CSMD1: variants seen among roughly 807,000 people sequenced by gnomAD.
The protein encoded by CSMD1 is CUB and Sushi multiple domains 1.
Under a neutral mutation model 417.5 loss-of-function variants are expected in CSMD1, and 213 were observed. The observed-to-expected ratio is 0.51, with a 90% confidence interval of 0.46 to 0.57. The LOEUF (loss-of-function observed/expected upper bound fraction) is 0.57, where lower values mean the gene tolerates loss of function less well. Among genes scored for constraint, CSMD1 ranks in the 20% least tolerant of loss-of-function variants. CSMD1 has a pLI of 0.00. For missense variants in CSMD1, 6,923 were observed against 4,529.7 expected (o/e 1.53, Z -15.17); for synonymous variants, 2,862 against 1,736.8 (o/e 1.65, Z -16.11).
At chr8:3,448,416 A>AGGGAGGGAGAGAGGGAGGGAGGGGG (rs1815468105) in intron 12 of CSMD1, among the ~76,000 whole-genome samples, 1 of 128,912 alleles carries the variant, frequency 7.8e-6, no homozygotes, top group Non-Finnish European at 1.7e-5. Flanking sequence ...GGAAGGAAGG[A>AGGGAGGGAGAGAGGGAGGGAGGGGG]AGGGAAGGAA....
intron 49 of CSMD1, among the ~76,000 whole-genome samples, chr8:3,083,887 G>A (rs1333002443): frequency 2.0e-5 from 3 of 151,560 alleles, no homozygotes; most frequent in Admixed American, 6.6e-5. Flanking sequence ...CTGAACTCCT[G>A]TGTTCAAGCA....
chr8:4,600,614 T>C (rs1273772467), intron 2 of CSMD1, among the ~76,000 whole-genome samples: 1 of 152,222 alleles, frequency 6.6e-6, no homozygotes, highest in Non-Finnish European at 1.5e-5. Flanking sequence ...CATCAAACCT[T>C]ATTTGTGAAA....
chr8:3,841,226 G>A (rs1360902682), intron 5 of CSMD1, among the ~76,000 whole-genome samples: 3 of 152,090 alleles, frequency 2.0e-5, no homozygotes, highest in South Asian at 4.2e-4. Flanking sequence ...AACTTGTTTG[G>A]AAAGGTTTAT....
chr8:4,243,626 C>A (rs960148111), intron 3 of CSMD1, among the ~76,000 whole-genome samples: 1 of 152,066 alleles, frequency 6.6e-6, no homozygotes, highest in Admixed American at 6.6e-5. Context: ...ACCGAAAACA[C>A]AGAAAATTAT....
Position 4,226,078 on chromosome 8 carries a change from ACACACAC to A in CSMD1, c.415+193868_415+193874del, listed in dbSNP as rs1212533470. On this transcript the variant is annotated intron_variant, in intron 3 of 69. Coordinates refer to ENST00000635120, the MANE Select transcript of CSMD1 (RefSeq NM_033225.6). ...AGAGCTGACAGGCGGACACACACAC[ACACACAC>A]ACACACACACACACACACACACGCC... Among the ~76,000 whole-genome samples the A allele has an allele frequency of 5.1e-4, 72 of 140,388 alleles. 1 individual carries two copies. The highest frequency in any genetic ancestry group is 2.3e-3 in the African/African-American group (72 of 31,092). 92.1% of individuals were successfully genotyped at this position (140,388 alleles called of 152,430 possible).
intron 3 of CSMD1, among the ~76,000 whole-genome samples, chr8:4,041,148 C>G (rs1246574798): frequency 6.6e-6 from 1 of 151,442 alleles, no homozygotes; most frequent in Non-Finnish European, 1.5e-5. Context: ...TCCCGAGTAG[C>G]TGGGACTACA....
intron 3 of CSMD1, among the ~76,000 whole-genome samples, chr8:4,181,322 C>T (rs1390896839): frequency 1.3e-5 from 2 of 151,912 alleles, no homozygotes; most frequent in African/African-American, 2.4e-5. Context: ...CATATATATC[C>T]ATGCTAAAAG....
At position 4,145,286 on chromosome 8, in the gene CSMD1, C is replaced by G. The variant is rs919114234; in HGVS notation, c.416-113187G>C. On this transcript the variant is annotated intron_variant, in intron 3 of 69. Transcript: ENST00000635120. ...AACTTGTAGAGTTAGACTTCCAATG[C>G]TTTCTTGTTGAGAACTTTATGGTAC... is the stretch of plus-strand genomic sequence containing the variant. Among the ~76,000 whole-genome samples the G allele has an allele frequency of 2.0e-5, 3 of 150,966 alleles. No homozygotes were observed. The South Asian group carries it at 6.2e-4, about 31-fold the overall frequency.
chr8:3,363,349 G>A (rs1429211082), intron 20 of CSMD1, among the ~76,000 whole-genome samples: 1 of 152,078 alleles, frequency 6.6e-6, no homozygotes, highest in African/African-American at 2.4e-5. Flanking sequence ...AAGTCATTAT[G>A]GGAAAGGAAT....
intron 1 of CSMD1, among the ~76,000 whole-genome samples, chr8:4,964,323 G>C (rs1186819542): frequency 6.6e-6 from 1 of 151,570 alleles, no homozygotes; most frequent in African/African-American, 2.4e-5. Context: ...ACACCAGCAG[G>C]GCAGCATGGC....
Position 4,984,752 on chromosome 8 carries a change from G to A in CSMD1, c.85+9580C>T, listed in dbSNP as rs551541866. 5.3e-5 allele frequency among the ~76,000 whole-genome samples: 8 copies of A among 152,264 alleles called. No individual in the cohort carries two copies. In the South Asian group the frequency reaches 8.3e-4, roughly 16 times the overall value. On this transcript the variant is annotated intron_variant, in intron 1 of 69. Transcript: ENST00000635120. ...TAGAAGATCCTGCAGCAAGGAGGAT[G>A]AACAGCAGAAGGAAAAACCCCCAGA...
rs370706296 is a variant in CSMD1, at chr8:3,261,772, C to T, written c.4153+22372G>A. Among the ~76,000 whole-genome samples the T allele has an allele frequency of 3.9e-4, 60 of 152,216 alleles. 1 individual carries two copies. In the South Asian group the frequency reaches 1.0e-2, roughly 25 times the overall value. On this transcript the variant is annotated intron_variant, in intron 26 of 69. Coordinates refer to ENST00000635120, the MANE Select transcript of CSMD1 (RefSeq NM_033225.6). ...GAGAGACGACACACTGCCTGATTCCCTCCACAGCACATTTGTGAAATGATC... is the reference window on the plus strand; with the variant it reads ...GAGAGACGACACACTGCCTGATTCCTTCCACAGCACATTTGTGAAATGATC...
intron 1 of CSMD1, among the ~76,000 whole-genome samples, chr8:4,793,491 A>T (rs2117244790): frequency 6.6e-6 from 1 of 151,800 alleles, no homozygotes; most frequent in East Asian, 2.0e-4. Flanking sequence ...CTCCCACGCC[A>T]TCTCCCTGGT....
intron 2 of CSMD1, among the ~76,000 whole-genome samples, chr8:4,600,977 A>G (rs1274364581): frequency 7.6e-6 from 1 of 131,516 alleles, no homozygotes; most frequent in African/African-American, 2.8e-5. Context: ...TTTTTTTGAG[A>G]TGAAGTTTTG....
At chr8:4,033,404 T>A (rs1184281738) in intron 3 of CSMD1, among the ~76,000 whole-genome samples, 1 of 152,098 alleles carries the variant, frequency 6.6e-6, no homozygotes, top group East Asian at 1.9e-4. Flanking sequence ...ATCGCACCAC[T>A]GCACTCCAGC....
At chr8:3,566,697 T>G (rs1014814097) in intron 10 of CSMD1, among the ~76,000 whole-genome samples, 5 of 152,168 alleles carry the variant, frequency 3.3e-5, no homozygotes, top group Non-Finnish European at 7.3e-5. Context: ...TCACTGATCA[T>G]TAGAGACATG....
intron 1 of CSMD1, among the ~76,000 whole-genome samples, chr8:4,909,319 A>G (rs1018047535): frequency 4.5e-4 from 68 of 151,946 alleles, no homozygotes; most frequent in Middle Eastern, 3.4e-3. Flanking sequence ...CCAGCAAAAT[A>G]CCTCCTTTTA....
At chr8:4,865,036 T>G (rs1486959516) in intron 1 of CSMD1, among the ~76,000 whole-genome samples, 1 of 151,656 alleles carries the variant, frequency 6.6e-6, no homozygotes, top group Non-Finnish European at 1.5e-5. Flanking sequence ...TTGTGTTTGC[T>G]TTATTTTTTA....
intron 23 of CSMD1, among the ~76,000 whole-genome samples, chr8:3,319,602 A>C (rs1806013647): frequency 6.6e-6 from 1 of 152,224 alleles, no homozygotes; most frequent in Admixed American, 6.5e-5. Flanking sequence ...AATAACTTTT[A>C]AAAAGAAACA....
Sources: gnomAD v4.1 joint callset for allele counts (sites outside exome capture counted in the v4.1 genomes callset) on GRCh38, gnomAD v4.1.1 for gene constraint, MANE v1.5 for transcripts, NCBI Gene and HGNC (gene_info 2026-07-23, HGNC 2026-07-21) for gene names.